Variants in PREX2 observed in about 807,000 individuals in gnomAD.
PREX2 encodes phosphatidylinositol 3,4,5-trisphosphate-dependent Rac exchanger 2 protein.
In PREX2, 107 loss-of-function variants were observed where a neutral mutation model predicts 203.2. The observed-to-expected ratio is 0.53, with a 90% confidence interval of 0.45 to 0.62. PREX2 has a LOEUF of 0.62. Among genes scored for constraint, PREX2 ranks in the 20% least tolerant of loss-of-function variants. PREX2 has a pLI of 0.00. For missense variants in PREX2, 1,777 were observed against 1,955.9 expected, an observed-to-expected ratio of 0.91 and a Z score of 1.72; for synonymous variants, 672 against 663.6, an observed-to-expected ratio of 1.01 and a Z score of -0.19.
chr8:68,114,365 A>C, intron 25 of PREX2: 1 of 490,186 alleles, frequency 2.0e-6, no homozygotes, highest in South Asian at 1.5e-5. Context: ...AATGAGAATC[A>C]AGATATGTGC....
At chr8:68,004,758 A>T (rs932842150) in intron 1 of PREX2, among the ~76,000 whole-genome samples, 3 of 152,198 alleles carry the variant, frequency 2.0e-5, no homozygotes, top group African/African-American at 7.2e-5. Context: ...GTTTTCATTT[A>T]TTTGTGTCAC....
At chr8:68,079,135 A>G (rs942957286) in intron 15 of PREX2, among the ~76,000 whole-genome samples, 5 of 152,218 alleles carry the variant, frequency 3.3e-5, no homozygotes, top group Non-Finnish European at 7.3e-5. Context: ...AGCCTGGACA[A>G]CATAGCAAGA....
chr8:68,022,127 G>A lies in PREX2; in HGVS notation c.428G>A (p.Arg143Gln), dbSNP rs745857499. The A allele has an allele frequency of 3.2e-5, 48 of 1,522,130 alleles. No individual in the cohort carries two copies. The highest frequency in any genetic ancestry group is 8.4e-5 in the Admixed American group (5 of 59,854). 94.3% of individuals were successfully genotyped at this position (1,522,130 alleles called of 1,614,324 possible). ...LLELNKIRTI[R>Q]TFLLNCMLLG... ...GAACTCAACAAAATAAGAACAATCC[G>A]GACATTTCTTTTGGTAAGTGTATAT... is the stretch of plus-strand genomic sequence containing the variant. The change falls in exon 4 of 40, where the codon CGG becomes CAG. Residue 143 changes from arginine (R) to glutamine (Q), a missense_variant. Physicochemically the swap from Arg to Gln is conservative, Grantham distance 43. Transcript: ENST00000288368.
chr8:68,077,610 G>T, intron 15 of PREX2, 141 bp downstream of exon 15: 1 of 685,890 alleles, frequency 1.5e-6, no homozygotes, highest in Non-Finnish European at 2.7e-6. Context: ...GTTCAGGTTG[G>T]GTCACCACAA....
chr8:68,093,499 C>T (rs1809956993), intron 20 of PREX2, 106 bp from the exon 21 acceptor site: 1 of 459,180 alleles, frequency 2.2e-6, no homozygotes, highest in Non-Finnish European at 4.1e-6. Flanking sequence ...TCAAATTTTA[C>T]TAATTTTAAA....
At chr8:68,138,005 A>C (rs1320492392) in intron 32 of PREX2, among the ~76,000 whole-genome samples, 1 of 152,242 alleles carries the variant, frequency 6.6e-6, no homozygotes, top group Non-Finnish European at 1.5e-5. Flanking sequence ...TAGGATAGCT[A>C]TTATGTAGTT....
intron 10 of PREX2, among the ~76,000 whole-genome samples, chr8:68,059,069 A>G (rs1808766418): frequency 6.6e-6 from 1 of 152,216 alleles, no homozygotes; most frequent in African/African-American, 2.4e-5. Flanking sequence ...ATTATTTGAC[A>G]TTAGCCATTT....
At chr8:68,072,606 G>C in intron 14 of PREX2, 36 bp downstream of exon 14, 1 of 1,156,108 alleles carries the variant, frequency 8.6e-7, no homozygotes, top group Non-Finnish European at 1.3e-6. Context: ...AGTTTCACTT[G>C]CTGCTGCTTT....
At chr8:68,002,151 C>CT (rs1806958395) in intron 1 of PREX2, among the ~76,000 whole-genome samples, 1 of 79,630 alleles carries the variant, frequency 1.3e-5, no homozygotes, top group Non-Finnish European at 2.9e-5. Context: ...TTCTTTCTTT[C>CT]TTTCTTTTTT....
chr8:68,000,272 C>A (rs1029616878), intron 1 of PREX2, among the ~76,000 whole-genome samples: 1 of 152,126 alleles, frequency 6.6e-6, no homozygotes, highest in Non-Finnish European at 1.5e-5. Context: ...AATTAATGTG[C>A]AAAAATTGTT....
At chr8:68,101,028 T>C (rs963371794) in intron 23 of PREX2, among the ~76,000 whole-genome samples, 2 of 152,208 alleles carry the variant, frequency 1.3e-5, no homozygotes, top group Non-Finnish European at 2.9e-5. Context: ...AAAACAAGTT[T>C]AAAAATTGTT....
intron 1 of PREX2, among the ~76,000 whole-genome samples, chr8:67,994,287 C>A (rs7464442): frequency 0.49 from 74,831 of 152,004 alleles, 18,796 homozygotes; most frequent in South Asian, 0.61. Flanking sequence ...TAAGAAGAGA[C>A]AGCTTATATT....
intron 13 of PREX2, among the ~76,000 whole-genome samples, chr8:68,070,937 G>T (rs1267258323): frequency 6.6e-6 from 1 of 151,998 alleles, no homozygotes; most frequent in Non-Finnish European, 1.5e-5. Flanking sequence ...AGATGAAAAA[G>T]AATAAATATT....
chr8:67,965,938 C>T (rs563781892), intron 1 of PREX2, among the ~76,000 whole-genome samples: 66 of 152,170 alleles, frequency 4.3e-4, no homozygotes, highest in Non-Finnish European at 7.2e-4. Context: ...ATTTTTAGTG[C>T]GCTAATAATT....
At chr8:67,955,147 CAAAAAAAAAAAAA>C (rs1183491822) in intron 1 of PREX2, among the ~76,000 whole-genome samples, 2 of 51,908 alleles carry the variant, frequency 3.9e-5, no homozygotes, top group African/African-American at 9.5e-5. Context: ...GACTCCATCT[CAAAAAAAAAAAAA>C]AAAAAAAAAA....
intron 34 of PREX2, among the ~76,000 whole-genome samples, chr8:68,150,280 G>T (rs1333290141): frequency 6.6e-6 from 1 of 152,124 alleles, no homozygotes; most frequent in Non-Finnish European, 1.5e-5. Context: ...GGATAATTTA[G>T]GAGAGAAAAA....
chr8:68,053,880 A>G (rs919005278), intron 9 of PREX2, among the ~76,000 whole-genome samples: 5 of 152,212 alleles, frequency 3.3e-5, no homozygotes, highest in African/African-American at 1.2e-4. Context: ...TGCAAAAGGA[A>G]TTTGGCCTGG....
chr8:67,974,054 G>A (rs1039589838), intron 1 of PREX2, among the ~76,000 whole-genome samples: 1 of 152,096 alleles, frequency 6.6e-6, no homozygotes, highest in African/African-American at 2.4e-5. Context: ...ATTAGTATAT[G>A]CTATAAATAA....
rs547400020 is a variant in PREX2 at position 68,097,649 on chromosome 8, C to T, written c.2553+448C>T. ...CTCATTCAATTTCTTATTTTTCTCC[C>T]CCTCCTCCACTATTTGGTATGCATA... On this transcript the variant is annotated intron_variant, in intron 22 of 39. Transcript: ENST00000288368. Among the ~76,000 whole-genome samples the T allele has an allele frequency of 1.2e-4, 19 of 152,262 alleles. No individual in the cohort carries two copies. In the South Asian group the frequency reaches 3.7e-3, roughly 30 times the overall value.
Sources: gnomAD v4.1 joint callset for allele counts (sites outside exome capture counted in the v4.1 genomes callset) on GRCh38, gnomAD v4.1.1 for gene constraint, MANE v1.5 for transcripts, NCBI Gene and HGNC (gene_info 2026-07-23, HGNC 2026-07-21) for gene names.